The following GRIK3 variants were observed in gnomAD, a reference collection of about 807,000 sequenced individuals.
GRIK3 encodes glutamate ionotropic receptor kainate type subunit 3.
Under a neutral mutation model 102.5 loss-of-function variants are expected in GRIK3, and 29 were observed. The observed-to-expected ratio is 0.28, with a 90% CI of 0.21 to 0.39. The LOEUF is 0.39. GRIK3 is among the 10% of genes least tolerant of loss of function. The pLI is 1.00. For synonymous variants in GRIK3, 511 were observed against 504.9 expected (o/e 1.01, Z -0.16); for missense variants, 908 against 1,252.4 (o/e 0.73, Z 4.15).
chr1:37,003,018 G>GTTTTTTTT (rs1306169886), intron 1 of GRIK3, among the ~76,000 whole-genome samples: 1 of 82,578 alleles, frequency 1.2e-5, no homozygotes, highest in African/African-American at 4.9e-5. Flanking sequence ...AATAAAAGCT[G>GTTTTTTTT]TTGTTTTTTT....
chr1:36,982,022 C>T (rs1483901976), intron 1 of GRIK3, among the ~76,000 whole-genome samples: 2 of 152,122 alleles, frequency 1.3e-5, no homozygotes, highest in Non-Finnish European at 2.9e-5. Context: ...ACAGAGTCCT[C>T]CCCAGGCACC....
intron 1 of GRIK3, among the ~76,000 whole-genome samples, chr1:36,953,294 C>G (rs1018979548): frequency 6.6e-6 from 1 of 152,160 alleles, no homozygotes; most frequent in African/African-American, 2.4e-5. Context: ...GCAAGAGGAC[C>G]TGGCCTGGCA....
intron 1 of GRIK3, among the ~76,000 whole-genome samples, chr1:36,953,105 A>G (rs1641864641): frequency 6.6e-6 from 1 of 152,210 alleles, no homozygotes; most frequent in African/African-American, 2.4e-5. Context: ...CATTCAGCAC[A>G]CGTCTGTTGG....
chr1:36,803,719 G>A (rs1449284857), intron 15 of GRIK3, among the ~76,000 whole-genome samples: 2 of 152,188 alleles, frequency 1.3e-5, no homozygotes, highest in African/African-American at 2.4e-5. Flanking sequence ...GTGAGCCACC[G>A]CACCTGGCTG....
intron 13 of GRIK3, among the ~76,000 whole-genome samples, chr1:36,810,127 G>T (rs950296510): frequency 9.9e-5 from 15 of 152,108 alleles, no homozygotes; most frequent in Non-Finnish European, 2.1e-4. Flanking sequence ...ACCCTGTAAA[G>T]GTTCCTTGTG....
intron 1 of GRIK3, among the ~76,000 whole-genome samples, chr1:36,963,854 A>G (rs1415908242): frequency 6.6e-6 from 1 of 152,224 alleles, no homozygotes; most frequent in Non-Finnish European, 1.5e-5. Context: ...AGGGCCTCCC[A>G]AAGCAGGCAA....
At chr1:36,883,392 G>T (rs908160527) in intron 2 of GRIK3, among the ~76,000 whole-genome samples, 1 of 152,028 alleles carries the variant, frequency 6.6e-6, no homozygotes, top group Non-Finnish European at 1.5e-5. Flanking sequence ...AACCATAAGG[G>T]GCCTTGCATT....
At chr1:36,963,324 C>T (rs754383204) in intron 1 of GRIK3, among the ~76,000 whole-genome samples, 7 of 152,178 alleles carry the variant, frequency 4.6e-5, no homozygotes, top group Non-Finnish European at 7.3e-5. Context: ...ACAAACCCCC[C>T]GCTCAGCCTC....
intron 1 of GRIK3, among the ~76,000 whole-genome samples, chr1:37,027,806 T>C (rs760354962): frequency 3.9e-5 from 6 of 151,982 alleles, no homozygotes; most frequent in Non-Finnish European, 7.4e-5. Flanking sequence ...GCTCAGTCCC[T>C]GGCAGCCACC....
chr1:36,952,967 G>A (rs1197750865), intron 1 of GRIK3, among the ~76,000 whole-genome samples: 1 of 152,334 alleles, frequency 6.6e-6, no homozygotes, highest in East Asian at 1.9e-4. Context: ...GGGAGAATCA[G>A]CATCACCATC....
At chr1:36,973,520 A>G (rs561421142) in intron 1 of GRIK3, among the ~76,000 whole-genome samples, 208 of 150,772 alleles carry the variant, frequency 1.4e-3, no homozygotes, top group African/African-American at 5.0e-3. Context: ...CCCGGGTTCA[A>G]GCAATTCTCC....
At chr1:36,971,655 G>C (rs999786197) in intron 1 of GRIK3, among the ~76,000 whole-genome samples, 6 of 152,168 alleles carry the variant, frequency 3.9e-5, no homozygotes, top group African/African-American at 1.4e-4. Flanking sequence ...GTTCTTGGCA[G>C]CTCCTAGAAC....
At chr1:36,999,998 G>GA (rs1042108110) in intron 1 of GRIK3, among the ~76,000 whole-genome samples, 21 of 150,854 alleles carry the variant, frequency 1.4e-4, no homozygotes, top group Admixed American at 3.3e-4. Context: ...CTCCGTCTCA[G>GA]AAAAAAAAAG....
chr1:37,031,787 TCTCG>T (rs1342887403), intron 1 of GRIK3, among the ~76,000 whole-genome samples: 6 of 152,218 alleles, frequency 3.9e-5, no homozygotes, highest in Non-Finnish European at 7.3e-5. Context: ...ATTCTCTCTC[TCTCG>T]CTCGCTCGCT....
chr1:36,951,721 T>C (rs975610636), intron 1 of GRIK3, among the ~76,000 whole-genome samples: 1 of 146,092 alleles, frequency 6.8e-6, no homozygotes, highest in Non-Finnish European at 1.5e-5. Context: ...GAAGAGAAGG[T>C]GAGGAAGAGG....
intron 1 of GRIK3, among the ~76,000 whole-genome samples, chr1:37,018,898 C>T (rs1221863159): frequency 1.3e-5 from 2 of 152,124 alleles, no homozygotes; most frequent in African/African-American, 4.8e-5. Flanking sequence ...AGCAAAAGTA[C>T]AGCCATTTCA....
At chr1:36,956,090 G>A (rs935293882) in intron 1 of GRIK3, among the ~76,000 whole-genome samples, 1 of 152,242 alleles carries the variant, frequency 6.6e-6, no homozygotes, top group Non-Finnish European at 1.5e-5. Flanking sequence ...GTCCTGAGCC[G>A]TGGGGTGCTC....
chr1:36,807,644 A>G (rs1570735655), intron 13 of GRIK3, among the ~76,000 whole-genome samples: 1 of 152,066 alleles, frequency 6.6e-6, no homozygotes. Flanking sequence ...GGTGCTTCCT[A>G]GATCTGGCAA....
chr1:36,961,929 C>T (rs1176279582), intron 1 of GRIK3, among the ~76,000 whole-genome samples: 3 of 152,158 alleles, frequency 2.0e-5, no homozygotes, highest in Non-Finnish European at 2.9e-5. Context: ...ACAGAGAAAC[C>T]CAGCCAGATG....
Sources: allele counts gnomAD v4.1 joint callset (sites outside exome capture counted in the v4.1 genomes callset), GRCh38; gene constraint gnomAD v4.1.1; transcripts MANE v1.5; gene names NCBI Gene and HGNC (gene_info 2026-07-23, HGNC 2026-07-21).